The following TAF7L variants were observed in gnomAD, a reference collection of about 807,000 sequenced individuals.
TAF7L encodes TATA-box binding protein associated factor 7 like.
In TAF7L, 6 loss-of-function variants were observed where a neutral mutation model predicts 30.2. The ratio of observed to expected loss-of-function variants is 0.20; its 90% CI spans 0.11 to 0.39. The LOEUF is 0.39. Among genes scored for constraint, TAF7L ranks in the 10% least tolerant of loss-of-function variants. The probability of loss-of-function intolerance (pLI) is 1.00; values close to 1 mark genes in which losing one functional copy is unlikely to be tolerated. For synonymous variants in TAF7L, 93 were observed against 94.5 expected (o/e 0.98, Z 0.09); for missense variants, 284 against 277.1 (o/e 1.03, Z -0.18).
Position 101,287,557 on chromosome X carries a change from G to A in TAF7L, c.-2-12C>T. The A allele has an allele frequency of 8.4e-7, 1 of 1,196,184 alleles. No individual in the cohort carries two copies. ...GCTTTCACTCATGTCTTGATTTTGAGTTCATGAAAGCAAAAAGAAAACCAT... is the reference window on the plus strand; with the variant it reads ...GCTTTCACTCATGTCTTGATTTTGAATTCATGAAAGCAAAAAGAAAACCAT... On this transcript the variant is annotated splice_polypyrimidine_tract_variant and intron_variant, in intron 1 of 12. Coordinates refer to ENST00000356784, the MANE Select transcript of TAF7L (RefSeq NM_001168474.2).
In TAF7L at chrX:101,269,038, C is replaced by T. The variant is rs1180444322; in HGVS notation, c.*155G>A. The T allele has an allele frequency of 1.2e-5, 5 of 428,948 alleles. No homozygotes were observed. The highest frequency in any genetic ancestry group is 3.8e-4 in the Middle Eastern group (1 of 2,652). The allele number at this position is 428,948 out of a possible 1,213,427, so 35.4% of individuals were successfully genotyped here. A position where few individuals can be genotyped will look rare whatever the true frequency, so the allele number is the denominator to read the frequency against. Reference sequence around the variant, plus strand: ...TATACTGGCCTTTTCTACATGACTACAAACTGTGAGCATATTTTAAGTAGC... The same window carrying T: ...TATACTGGCCTTTTCTACATGACTATAAACTGTGAGCATATTTTAAGTAGC... On this transcript the variant is annotated 3_prime_UTR_variant, in exon 13 of 13. Coordinates refer to ENST00000356784, the MANE Select transcript of TAF7L (RefSeq NM_001168474.2).
chrX:101,278,071 C>T lies in TAF7L; in HGVS notation c.555G>A (p.Ser185=), dbSNP rs372204038. 85 of 1,209,178 alleles carry T rather than the reference C, an allele frequency of 7.0e-5. No individual in the cohort carries two copies. The highest frequency in any genetic ancestry group is 6.8e-4 in the Admixed American group (31 of 45,726). The change falls in exon 8 of 13, where the codon TCG becomes TCA. Residue 185 remains serine, a synonymous_variant. Transcript: ENST00000356784. ...TACGGGTACTTACGGCTTCAGCATC[C>T]GAACGCAGCAGTCTCTTTACTTCAT... is the stretch of plus-strand genomic sequence containing the variant. The part of the protein sequence containing the change: ...VENEVKRLLR[S]DAEAVSTRWE...
At chrX:101,277,491 C>CT (rs1924244282) in intron 9 of TAF7L, 115 bp downstream of exon 9, 4 of 363,119 alleles carry the variant, frequency 1.1e-5, no homozygotes, top group Non-Finnish European at 1.8e-5. Context: ...CGAAACCATC[C>CT]TTTTTTTCTG....
upstream of TAF7L, chrX:101,293,003 C>A: frequency 8.3e-7 from 1 of 1,211,334 alleles, no homozygotes; most frequent in Non-Finnish European, 1.1e-6. Context: ...GGTGTTGAAT[C>A]ATTTTCTGAA....
intron 1 of TAF7L, among the ~76,000 whole-genome samples, chrX:101,289,476 T>G (rs1350216229): frequency 3.6e-5 from 4 of 112,275 alleles, no homozygotes; most frequent in African/African-American, 1.3e-4. Flanking sequence ...GTTTTTCAAT[T>G]TTATGTTCTT....
At chrX:101,292,265 T>TAAAAAATAAAATAAA (rs766457568), upstream of TAF7L, among the ~76,000 whole-genome samples, 16 of 85,649 alleles carry the variant, frequency 1.9e-4, no homozygotes, top group African/African-American at 3.7e-4. Context: ...ATAAAAAAAA[T>TAAAAAATAAAATAAA]AAATAAAAAT....
chrX:101,276,775 C>G (rs1161453616), intron 9 of TAF7L, among the ~76,000 whole-genome samples: 6 of 110,055 alleles, frequency 5.5e-5, no homozygotes, highest in Non-Finnish European at 1.1e-4. Context: ...GTTAAAATAC[C>G]AGGGGTGGAT....
chrX:101,281,870 G>T (rs978210188), intron 5 of TAF7L, 95 bp from the exon 6 acceptor site: 1 of 799,518 alleles, frequency 1.3e-6, no homozygotes. Context: ...AAACCAAAGG[G>T]TCATGACATC....
chrX:101,278,085 T>G lies in TAF7L; in HGVS notation c.541A>C (p.Arg181=). 8.3e-7 allele frequency: 1 copy of G among 1,211,464 alleles called. No homozygotes were observed. The highest frequency in any genetic ancestry group is 1.1e-6 in the Non-Finnish European group (1 of 895,193). ...ESPDVENEVK[R]LLRSDAEAVS... ...GCTTCAGCATCCGAACGCAGCAGTC[T>G]CTTTACTTCATTTTCCACGTCTGGA... Residue 181 remains arginine (R), a synonymous_variant, in exon 8 of 13, where the codon AGA becomes CGA. Coordinates refer to ENST00000356784, the MANE Select transcript of TAF7L (RefSeq NM_001168474.2).
intron 4 of TAF7L, 137 bp downstream of exon 4, chrX:101,283,313 C>A (rs1184302705): frequency 1.0e-5 from 7 of 678,889 alleles, no homozygotes; most frequent in Non-Finnish European, 1.6e-5. Flanking sequence ...ACATTTCATT[C>A]CTGTGCAGTC....
upstream of TAF7L, among the ~76,000 whole-genome samples, chrX:101,292,502 C>T (rs1171016592): frequency 9.6e-6 from 1 of 104,134 alleles, no homozygotes; most frequent in East Asian, 3.1e-4. Flanking sequence ...TCCATTAGGT[C>T]GGACGGTTTG....
Position 101,291,240 on chromosome X carries a change from T to G in TAF7L, c.-19A>C, listed in dbSNP as rs1345609024. On this transcript the variant is annotated 5_prime_UTR_variant, in exon 1 of 13. Transcript: ENST00000356784. ...CCGACTCACCCGCTCCTCCGGGAAC[T>G]GGCGCCGACACCGAAAAGGCTGGGA... The G allele has an allele frequency of 1.3e-6, 1 of 752,022 alleles. No homozygotes were observed. The highest frequency in any genetic ancestry group is 2.3e-5 in the African/African-American group (1 of 43,263). 62.0% of individuals were successfully genotyped at this position (752,022 alleles called of 1,213,427 possible). A position where few individuals can be genotyped will look rare whatever the true frequency, so the allele number is the denominator to read the frequency against.
At chrX:101,277,476 A>G in intron 9 of TAF7L, 130 bp downstream of exon 9, 1 of 361,395 alleles carries the variant, frequency 2.8e-6, no homozygotes. Flanking sequence ...AAAAAGAGGG[A>G]AGGACGAAAC....
rs768889307 is a variant in TAF7L at position 101,278,103 on chromosome X, C to A, written c.523G>T (p.Val175Leu). The change falls in exon 8 of 13, where the codon GTG becomes TTG. Residue 175 changes from valine to leucine, a missense_variant. Coordinates refer to ENST00000356784, the MANE Select transcript of TAF7L (RefSeq NM_001168474.2). ...SFTEYIESPD[V>L]ENEVKRLLRS... ...AGCAGTCTCTTTACTTCATTTTCCACGTCTGGAGATTCAATGTACTGAAGC... is the reference window on the plus strand; with the variant it reads ...AGCAGTCTCTTTACTTCATTTTCCAAGTCTGGAGATTCAATGTACTGAAGC... The A allele has an allele frequency of 2.5e-6, 3 of 1,210,470 alleles. No individual in the cohort carries two copies. Among genetic ancestry groups the A allele is most frequent in the Non-Finnish European group, 2.2e-6 (2 of 894,432 alleles).
Position 101,268,546 on chromosome X carries a change from C to A in TAF7L, c.*647G>T, listed in dbSNP as rs1401499853. ...GCAGCAGCAAGGAATCATCCTTGAGCAGGAATGCAGTCCTGTTACCTGAAC... is the reference window on the plus strand; with the variant it reads ...GCAGCAGCAAGGAATCATCCTTGAGAAGGAATGCAGTCCTGTTACCTGAAC... On this transcript the variant is annotated 3_prime_UTR_variant, in exon 13 of 13. Transcript: ENST00000356784. The A allele has an allele frequency of 9.0e-6, 1 of 111,322 alleles. No individual in the cohort carries two copies. Among genetic ancestry groups the A allele is most frequent in the East Asian group, 2.8e-4 (1 of 3,567 alleles). 9.2% of individuals were successfully genotyped at this position (111,322 alleles called of 1,213,427 possible).
chrX:101,275,423 C>T (rs1252907901), intron 11 of TAF7L, 142 bp from the exon 12 acceptor site: 6 of 425,441 alleles, frequency 1.4e-5, no homozygotes. Flanking sequence ...GGCTGGAGTG[C>T]AGTGGCGCAA....
rs769647235 is a variant in TAF7L, at chrX:101,272,037, A to C, written c.1087-2800T>G. Among the ~76,000 whole-genome samples the C allele has an allele frequency of 2.0e-3, 222 of 111,394 alleles. 1 individual carries two copies. The highest frequency in any genetic ancestry group is 6.8e-3 in the African/African-American group (209 of 30,641). On this transcript the variant is annotated intron_variant, in intron 12 of 12. Coordinates refer to ENST00000356784, the MANE Select transcript of TAF7L (RefSeq NM_001168474.2). Reference sequence around the variant, plus strand: ...GGGTGGGGAGTAGTGCCTGTACTTCAAGAGCACCATGCTAAGCCCATCCTC... The same window carrying C: ...GGGTGGGGAGTAGTGCCTGTACTTCCAGAGCACCATGCTAAGCCCATCCTC...
chrX:101,274,446 A>G (rs1016534003), intron 12 of TAF7L, among the ~76,000 whole-genome samples: 3 of 111,147 alleles, frequency 2.7e-5, no homozygotes, highest in African/African-American at 6.6e-5. Context: ...AGCTAAAGCA[A>G]TCCTCTCGCG....
chrX:101,285,051 T>C lies in TAF7L; in HGVS notation c.146-1468A>G, dbSNP rs181753340. On this transcript the variant is annotated intron_variant, in intron 3 of 12. Transcript: ENST00000356784. ...TCCATATCTTGGCTATTGTGAATAA[T>C]GCTACAATGAATATGGGAGTGCAGA... Among the ~76,000 whole-genome samples, 732 of 111,201 alleles carry C rather than the reference T, an allele frequency of 6.6e-3. 2 individuals carry two copies. The highest frequency in any genetic ancestry group is 0.01 in the Non-Finnish European group (539 of 53,051).
Sources: gnomAD v4.1 joint callset for allele counts (sites outside exome capture counted in the v4.1 genomes callset) on GRCh38, gnomAD v4.1.1 for gene constraint, MANE v1.5 for transcripts, NCBI Gene and HGNC (gene_info 2026-07-23, HGNC 2026-07-21) for gene names.